The following RIMS1 variants were observed in gnomAD, a reference collection of about 807,000 sequenced individuals.
RIMS1 encodes the protein regulating synaptic membrane exocytosis 1, also known as regulating synaptic membrane exocytosis protein 1.
A neutral mutation model predicts 214.1 loss-of-function variants in RIMS1; 83 were observed. That is an observed-to-expected ratio of 0.39 (90% CI 0.32 to 0.47). The LOEUF (loss-of-function observed/expected upper bound fraction) is 0.47. RIMS1 is among the 20% of genes least tolerant of loss of function. The pLI is 0.99. For missense variants in RIMS1, 2,050 were observed against 2,161.8 expected (o/e 0.95, Z 1.03); for synonymous variants, 793 against 786.8 (o/e 1.01, Z -0.13).
At chr6:72,057,510 T>C (rs1221838917) in intron 2 of RIMS1, among the ~76,000 whole-genome samples, 1 of 147,658 alleles carries the variant, frequency 6.8e-6, no homozygotes, top group African/African-American at 2.5e-5. Flanking sequence ...TTTTTTTTTT[T>C]TTTTTTTCTT....
At chr6:72,140,880 A>G (rs1164338810) in intron 4 of RIMS1, among the ~76,000 whole-genome samples, 1 of 152,084 alleles carries the variant, frequency 6.6e-6, no homozygotes, top group African/African-American at 2.4e-5. Flanking sequence ...TAGCAAAAGT[A>G]CATAGTTTTC....
chr6:72,145,037 T>C (rs936853931), intron 4 of RIMS1, among the ~76,000 whole-genome samples: 2 of 152,070 alleles, frequency 1.3e-5, no homozygotes, highest in Non-Finnish European at 2.9e-5. Flanking sequence ...TCTCTCCAGT[T>C]CTTTTGTTAA....
intron 1 of RIMS1, among the ~76,000 whole-genome samples, chr6:71,965,762 A>C (rs776185572): frequency 4.6e-5 from 7 of 152,170 alleles, no homozygotes; most frequent in Non-Finnish European, 7.3e-5. Flanking sequence ...GTAATTAAAG[A>C]CTTTGCAAAA....
intron 2 of RIMS1, 37 bp downstream of exon 2, chr6:71,969,100 G>C (rs202189012): frequency 2.5e-6 from 4 of 1,575,742 alleles, no homozygotes; most frequent in Non-Finnish European, 3.5e-6. Flanking sequence ...TGAAAATGTC[G>C]TCTCTTACAC....
At chr6:72,145,101 T>A (rs780048640) in intron 4 of RIMS1, among the ~76,000 whole-genome samples, 5 of 152,200 alleles carry the variant, frequency 3.3e-5, no homozygotes, top group African/African-American at 1.2e-4. Context: ...AGTCTTATAC[T>A]TGGCCTGATT....
chr6:72,100,629 C>T (rs1234725451), intron 4 of RIMS1, among the ~76,000 whole-genome samples: 2 of 150,258 alleles, frequency 1.3e-5, no homozygotes, highest in Non-Finnish European at 3.0e-5. Context: ...TTTGTATAAA[C>T]ACTATACACC....
chr6:72,352,486 G>C (rs931699746), intron 29 of RIMS1, among the ~76,000 whole-genome samples: 44 of 152,242 alleles, frequency 2.9e-4, no homozygotes, highest in African/African-American at 1.1e-3. Flanking sequence ...TCATCCTCAA[G>C]TAATTTGATA....
chr6:71,945,097 G>A (rs765602576), intron 1 of RIMS1, among the ~76,000 whole-genome samples: 7 of 152,240 alleles, frequency 4.6e-5, no homozygotes, highest in East Asian at 1.9e-4. Context: ...TGGAAAAAGT[G>A]GTAATTTGGA....
intron 2 of RIMS1, among the ~76,000 whole-genome samples, chr6:72,089,782 A>G (rs1008620000): frequency 7.0e-6 from 1 of 143,388 alleles, no homozygotes; most frequent in Non-Finnish European, 1.6e-5. Flanking sequence ...ATGTCCAACA[A>G]TGATAGACTG....
intron 2 of RIMS1, among the ~76,000 whole-genome samples, chr6:72,002,345 A>T (rs181347009): frequency 2.2e-4 from 33 of 152,280 alleles, no homozygotes; most frequent in African/African-American, 7.9e-4. Flanking sequence ...TGTATAGAAT[A>T]TGAAAGGTGA....
chr6:71,892,437 A>G (rs187034826), intron 1 of RIMS1, among the ~76,000 whole-genome samples: 5 of 152,272 alleles, frequency 3.3e-5, no homozygotes, highest in Admixed American at 1.3e-4. Context: ...AACAAAACTT[A>G]AAGGAGTGAG....
intron 6 of RIMS1, among the ~76,000 whole-genome samples, chr6:72,220,683 T>A (rs2058090156): frequency 6.6e-6 from 1 of 152,012 alleles, no homozygotes; most frequent in African/African-American, 2.4e-5. Context: ...AAAGCTTAAA[T>A]CTCCAAAAGA....
chr6:72,191,429 A>G lies in RIMS1; in HGVS notation c.1678+8280A>G, dbSNP rs533083924. On this transcript the variant is annotated intron_variant, in intron 6 of 33. Coordinates refer to ENST00000521978, the MANE Select transcript of RIMS1 (RefSeq NM_014989.7). ...CTATCCTCTGGCATACAAATGTTTC[A>G]TCAGTAAGTCCAGTGTGTTTGCTAC... Among the ~76,000 whole-genome samples, 10 of 152,340 alleles carry G rather than the reference A, an allele frequency of 6.6e-5. No individual in the cohort carries two copies. In the East Asian group the frequency reaches 1.5e-3, roughly 24 times the overall value.
chr6:72,065,640 T>C (rs1829101203), intron 2 of RIMS1, among the ~76,000 whole-genome samples: 1 of 152,166 alleles, frequency 6.6e-6, no homozygotes, highest in Non-Finnish European at 1.5e-5. Context: ...ATGTACTTTA[T>C]CAAAGGTTTT....
At chr6:72,124,957 C>T (rs899942103) in intron 4 of RIMS1, among the ~76,000 whole-genome samples, 9 of 151,964 alleles carry the variant, frequency 5.9e-5, no homozygotes, top group Non-Finnish European at 1.0e-4. Flanking sequence ...TTGTTATTGT[C>T]GACCTTCTGA....
chr6:72,366,604 A>T, intron 29 of RIMS1: 1 of 756,896 alleles, frequency 1.3e-6, no homozygotes, highest in Non-Finnish European at 1.6e-6. Flanking sequence ...ATGGTCTTAC[A>T]ATAAGCTATA....
At chr6:72,024,434 G>A (rs964576705) in intron 2 of RIMS1, among the ~76,000 whole-genome samples, 1 of 152,074 alleles carries the variant, frequency 6.6e-6, no homozygotes, top group Admixed American at 6.6e-5. Context: ...ACCTCATAAA[G>A]TTATTATGAA....
intron 6 of RIMS1, among the ~76,000 whole-genome samples, chr6:72,219,333 G>C (rs979842306): frequency 1.8e-4 from 27 of 152,164 alleles, no homozygotes; most frequent in Non-Finnish European, 3.4e-4. Context: ...AATGGTTTCA[G>C]ATATTATATA....
intron 23 of RIMS1, among the ~76,000 whole-genome samples, chr6:72,281,774 A>T (rs2090219514): frequency 6.6e-6 from 1 of 151,736 alleles, no homozygotes; most frequent in South Asian, 2.1e-4. Flanking sequence ...CTTTCCAACC[A>T]CCCTACTTAA....
Sources: gnomAD v4.1 joint callset for allele counts (sites outside exome capture counted in the v4.1 genomes callset) on GRCh38, gnomAD v4.1.1 for gene constraint, MANE v1.5 for transcripts, NCBI Gene and HGNC (gene_info 2026-07-23, HGNC 2026-07-21) for gene names.